VRK2: variants seen among roughly 807,000 people sequenced by gnomAD.
VRK2 encodes the protein VRK serine/threonine kinase 2, also known as serine/threonine-protein kinase VRK2.
A neutral mutation model predicts 57.6 loss-of-function variants in VRK2; 60 were observed. The observed-to-expected ratio is 1.04, with a 90% CI of 0.85 to 1.29. The LOEUF (loss-of-function observed/expected upper bound fraction) is 1.29. Ranked by LOEUF, VRK2 falls within the 50% of genes most tolerant of loss-of-function variation. VRK2 has a pLI of 0.00. For missense variants in VRK2, 705 were observed against 588.1 expected (o/e 1.20, Z -2.06); for synonymous variants, 231 against 199.2 (o/e 1.16, Z -1.35).
intron 7 of VRK2, among the ~76,000 whole-genome samples, chr2:58,102,035 G>A (rs963620638): frequency 2.6e-5 from 4 of 151,550 alleles, no homozygotes; most frequent in African/African-American, 9.7e-5. Context: ...TAGTAACTAA[G>A]TCATTTGTAG....
At chr2:58,083,717 G>A (rs1671214986) in intron 2 of VRK2, among the ~76,000 whole-genome samples, 1 of 151,524 alleles carries the variant, frequency 6.6e-6, no homozygotes, top group Non-Finnish European at 1.5e-5. Flanking sequence ...ATTATATATT[G>A]GCTTTAATGC....
chr2:57,988,723 A>G (rs897932559), intron 1 of VRK2, among the ~76,000 whole-genome samples: 10 of 152,174 alleles, frequency 6.6e-5, no homozygotes, highest in African/African-American at 2.4e-4. Flanking sequence ...ACCTCTTCCC[A>G]GACCTTCAAC....
At chr2:58,119,138 C>T (rs1018325320) in intron 7 of VRK2, among the ~76,000 whole-genome samples, 4 of 152,032 alleles carry the variant, frequency 2.6e-5, no homozygotes, top group African/African-American at 7.2e-5. Flanking sequence ...ACAGAGACAG[C>T]GAGCAGAAGT....
chr2:57,992,477 A>G (rs1672796755), intron 1 of VRK2, among the ~76,000 whole-genome samples: 2 of 152,304 alleles, frequency 1.3e-5, no homozygotes, highest in South Asian at 4.1e-4. Flanking sequence ...AAATCAGTAA[A>G]GTTAAACATG....
chr2:58,073,646 A>G (rs1669656175), intron 2 of VRK2, among the ~76,000 whole-genome samples: 1 of 99,028 alleles, frequency 1.0e-5, no homozygotes, highest in Admixed American at 1.1e-4. Flanking sequence ...TTATATATAT[A>G]TATATATTTA....
rs369267483 is a variant in VRK2, at chr2:58,038,058, G to A, written c.-6+4505G>A. On this transcript the variant is annotated intron_variant, in intron 3 of 15. Coordinates refer to the VRK2 transcript ENST00000417641. ...AAATATGCCACTTTGATATAAGGAT[G>A]ATTTGGAGCTGAAAGCAATTGAGGA... is the stretch of plus-strand genomic sequence containing the variant. 2.0e-5 allele frequency among the ~76,000 whole-genome samples: 3 copies of A among 152,054 alleles called. No homozygotes were observed. In the East Asian group the frequency reaches 5.8e-4, roughly 29 times the overall value.
At chr2:58,158,901 A>T (rs1172499518) in intron 12 of VRK2, among the ~76,000 whole-genome samples, 1 of 152,102 alleles carries the variant, frequency 6.6e-6, no homozygotes, top group Non-Finnish European at 1.5e-5. Flanking sequence ...GTACAGCCTC[A>T]TCCTTTGCCC....
chr2:58,048,782 T>C, intron 1 of VRK2, 45 bp from the exon 2 acceptor site: 1 of 1,593,840 alleles, frequency 6.3e-7, no homozygotes, highest in Non-Finnish European at 8.5e-7. Context: ...GTTTTGTTTG[T>C]TTGTTTTTCT....
intron 2 of VRK2, among the ~76,000 whole-genome samples, chr2:58,030,257 CTAAATAATCATTT>C (rs1674072389): frequency 6.6e-6 from 1 of 152,044 alleles, no homozygotes; most frequent in African/African-American, 2.4e-5. Context: ...AATTTCACAC[CTAAATAATCATTT>C]TAAATAATCT....
chr2:58,009,592 A>G (rs1673357434), intron 1 of VRK2, among the ~76,000 whole-genome samples: 1 of 150,968 alleles, frequency 6.6e-6, no homozygotes, highest in East Asian at 1.9e-4. Context: ...CTTGCGTTGT[A>G]TCCACATATT....
intron 1 of VRK2, among the ~76,000 whole-genome samples, chr2:57,950,936 C>T (rs564592047): frequency 6.6e-6 from 1 of 151,802 alleles, no homozygotes; most frequent in Non-Finnish European, 1.5e-5. Flanking sequence ...TACTAAAATA[C>T]AAAAATTTAG....
chr2:57,980,604 C>T (rs56370078), intron 1 of VRK2, among the ~76,000 whole-genome samples: 27,224 of 151,944 alleles, frequency 0.18, 3,179 homozygotes, highest in African/African-American at 0.33. Flanking sequence ...GTTTTCTGTC[C>T]TAATGATTTG....
upstream of VRK2, among the ~76,000 whole-genome samples, chr2:58,041,866 T>C (rs1674470168): frequency 1.3e-5 from 2 of 152,292 alleles, no homozygotes; most frequent in South Asian, 2.1e-4. Flanking sequence ...GGTCTTTAGA[T>C]AAACTCAGAA....
upstream of VRK2, among the ~76,000 whole-genome samples, chr2:58,042,941 C>A (rs1674519780): frequency 6.6e-6 from 1 of 152,004 alleles, no homozygotes; most frequent in Non-Finnish European, 1.5e-5. Flanking sequence ...TATATTCTGT[C>A]AGTTTTCATC....
intron 1 of VRK2, among the ~76,000 whole-genome samples, chr2:58,013,808 G>A (rs377731284): frequency 7.2e-6 from 1 of 138,476 alleles, no homozygotes; most frequent in African/African-American, 2.9e-5. Context: ...GCAGTGAGCG[G>A]AGATCGCGCC....
At chr2:57,939,677 G>A (rs577019396) in intron 1 of VRK2, among the ~76,000 whole-genome samples, 78 of 152,234 alleles carry the variant, frequency 5.1e-4, no homozygotes, top group African/African-American at 1.8e-3. Context: ...GAAAGTAAAT[G>A]CACATTTCAG....
chr2:58,113,457 C>T (rs922357217), intron 7 of VRK2, among the ~76,000 whole-genome samples: 2 of 152,114 alleles, frequency 1.3e-5, no homozygotes, highest in Non-Finnish European at 2.9e-5. Context: ...TGTGAAGAGA[C>T]CACCAAACAG....
chr2:57,957,942 T>C (rs1033677411), intron 1 of VRK2, among the ~76,000 whole-genome samples: 14 of 152,134 alleles, frequency 9.2e-5, no homozygotes, highest in Non-Finnish European at 1.6e-4. Flanking sequence ...CAACGAAAGA[T>C]TGAGGCTGTG....
intron 1 of VRK2, among the ~76,000 whole-genome samples, chr2:57,926,939 C>T (rs1558496906): frequency 6.7e-6 from 1 of 148,238 alleles, no homozygotes; most frequent in Admixed American, 6.7e-5. Context: ...TCTTTCTTTC[C>T]TTTCTTCCTG....
Sources: gnomAD v4.1 joint callset for allele counts (sites outside exome capture counted in the v4.1 genomes callset) on GRCh38, gnomAD v4.1.1 for gene constraint, MANE v1.5 for transcripts, NCBI Gene and HGNC (gene_info 2026-07-23, HGNC 2026-07-21) for gene names.